The following SLC1A1 variants were observed in gnomAD, a reference collection of about 807,000 sequenced individuals.
SLC1A1 encodes excitatory amino acid transporter 3.
A neutral mutation model predicts 53.3 loss-of-function variants in SLC1A1; 43 were observed. The observed-to-expected ratio is 0.81, with a 90% confidence interval of 0.63 to 1.04. The LOEUF (loss-of-function observed/expected upper bound fraction) is 1.04, where lower values mean the gene tolerates loss of function less well. Among genes scored for constraint, SLC1A1 ranks in the 50% least tolerant of loss-of-function variants. SLC1A1 has a pLI of 0.00. For synonymous variants in SLC1A1, 307 were observed against 243.2 expected (o/e 1.26, Z -2.44); for missense variants, 748 against 664.9 (o/e 1.12, Z -1.37).
rs1272231784 is a variant in SLC1A1, at chr9:4,585,888, G to T, written c.*330G>T. On this transcript the variant is annotated 3_prime_UTR_variant, in exon 12 of 12. Coordinates refer to ENST00000262352, the MANE Select transcript of SLC1A1 (RefSeq NM_004170.6). ...TATGAAAGAGAAAATGCTTTCTCAT[G>T]CATAGACAAGTGTTTTGGGTTTTTA... 1 of 276,652 alleles carries T rather than the reference G, an allele frequency of 3.6e-6. No individual in the cohort carries two copies. Among genetic ancestry groups the T allele is most frequent in the South Asian group, 4.7e-5 (1 of 21,102 alleles). The allele number at this position is 276,652 out of a possible 1,614,324, so 17.1% of individuals were successfully genotyped here.
chr9:4,542,215 G>A (rs1024115448), intron 1 of SLC1A1, among the ~76,000 whole-genome samples: 36 of 151,994 alleles, frequency 2.4e-4, no homozygotes, highest in African/African-American at 8.5e-4. Flanking sequence ...AGGAAGGAAG[G>A]AATATTGGAG....
intron 1 of SLC1A1, among the ~76,000 whole-genome samples, chr9:4,517,598 A>G (rs1302826905): frequency 1.3e-5 from 2 of 152,234 alleles, no homozygotes; most frequent in African/African-American, 4.8e-5. Flanking sequence ...ATTGTGTACC[A>G]GAATGAAAGA....
At chr9:4,569,175 A>G (rs1351577171) in intron 6 of SLC1A1, among the ~76,000 whole-genome samples, 1 of 152,226 alleles carries the variant, frequency 6.6e-6, no homozygotes, top group East Asian at 1.9e-4. Context: ...GTACATAAGC[A>G]TGCAATGCAG....
At chr9:4,510,914 G>A (rs980453079) in intron 1 of SLC1A1, among the ~76,000 whole-genome samples, 1 of 152,196 alleles carries the variant, frequency 6.6e-6, no homozygotes, top group Non-Finnish European at 1.5e-5. Context: ...CAAATTGAGA[G>A]TTAGAAGGTA....
chr9:4,515,479 G>C (rs1320206152), intron 1 of SLC1A1, among the ~76,000 whole-genome samples: 2 of 152,154 alleles, frequency 1.3e-5, no homozygotes, highest in African/African-American at 2.4e-5. Flanking sequence ...ATTGTATATT[G>C]AGTTTGTCAC....
intron 1 of SLC1A1, among the ~76,000 whole-genome samples, chr9:4,522,046 TTTTTTTTC>T (rs374791945): frequency 0.29 from 32,948 of 111,754 alleles, 4,715 homozygotes; most frequent in South Asian, 0.41. Context: ...CTGCCTCTTT[TTTTTTTTC>T]TTTTTTTTTT....
intron 1 of SLC1A1, among the ~76,000 whole-genome samples, chr9:4,542,320 T>G (rs535598329): frequency 1.3e-5 from 2 of 152,338 alleles, no homozygotes; most frequent in South Asian, 4.1e-4. Context: ...CACCTTTTAT[T>G]GCTTTCAAGC....
In SLC1A1 at chr9:4,572,235, T is replaced by G; in HGVS notation, c.614T>G (p.Met205Arg). 11 of 1,613,806 alleles carry G rather than the reference T, an allele frequency of 6.8e-6. No homozygotes were observed. Among genetic ancestry groups the G allele is most frequent in the Non-Finnish European group, 9.3e-6 (11 of 1,179,672 alleles). Residue 205 changes from methionine (M) to arginine (R), a missense_variant, in exon 7 of 12, where the codon ATG (methionine) becomes AGG (arginine). Physicochemically the swap from Met to Arg is moderately conservative, Grantham distance 91 (BLOSUM62 -1). Coordinates refer to ENST00000262352, the MANE Select transcript of SLC1A1 (RefSeq NM_004170.6). ...NKTKEYKIVG[M>R]YSDGINVLGL... ...ACAAAGGAATACAAAATTGTTGGCA[T>G]GTATTCAGATGGCATAAACGTCCTG...
intron 1 of SLC1A1, among the ~76,000 whole-genome samples, chr9:4,504,477 C>G (rs1481107031): frequency 6.6e-6 from 1 of 152,146 alleles, no homozygotes; most frequent in Non-Finnish European, 1.5e-5. Flanking sequence ...ACCAAAGAGT[C>G]GGAAAATAAG....
At position 4,573,946 on chromosome 9, in the gene SLC1A1, G is replaced by A. The variant is rs142234531; in HGVS notation, c.807G>A (p.Lys269=). Residue 269 remains lysine, a synonymous_variant, in exon 8 of 12, where the codon AAG becomes AAA. Transcript: ENST00000262352. ...PLGILFLIAG[K]IIEVEDWEIF... ...GTATTTTGTTCCTGATTGCTGGGAA[G>A]ATCATAGAAGTTGAAGACTGGGAAA... 1.1e-4 allele frequency: 177 copies of A among 1,613,898 alleles called. No homozygotes were observed. Among genetic ancestry groups the A allele is most frequent in the Non-Finnish European group, 1.3e-4 (153 of 1,179,868 alleles).
At position 4,580,599 on chromosome 9, in the gene SLC1A1, A is replaced by ATG. The variant is rs770759737; in HGVS notation, c.1194-2438_1194-2437insGT. ...TTGTCTCTGGAAAAAAAAAAAATAT[A>ATG]TATGTGTGTGTGTGTGTGTGTGTGT... On this transcript the variant is annotated intron_variant, in intron 10 of 11. Transcript: ENST00000262352. Among the ~76,000 whole-genome samples, 471 of 50,980 alleles carry ATG rather than the reference A, an allele frequency of 9.2e-3. 2 individuals carry two copies. The highest frequency in any genetic ancestry group is 0.016 in the Middle Eastern group (2 of 122). 33.4% of individuals were successfully genotyped at this position (50,980 alleles called of 152,430 possible). A position where few individuals can be genotyped will look rare whatever the true frequency, so the allele number is the denominator to read the frequency against.
chr9:4,547,385 G>A (rs1039136348), intron 2 of SLC1A1, among the ~76,000 whole-genome samples: 2 of 152,284 alleles, frequency 1.3e-5, no homozygotes, highest in Admixed American at 6.5e-5. Flanking sequence ...TAGAGGCAGC[G>A]AGCAAAACCA....
rs1049502231 is a variant in SLC1A1, at chr9:4,572,349, T to C, written c.728T>C (p.Leu243Ser). 4 of 1,614,066 alleles carry C rather than the reference T, an allele frequency of 2.5e-6. No homozygotes were observed. The African/African-American group carries it at 5.3e-5, about 22-fold the overall frequency. ...GQILVDFFNA[L>S]SDATMKIVQI... Reference sequence around the variant, plus strand: ...ATTCTGGTGGATTTCTTCAATGCTTTGAGTGATGCAACCATGAAAATCGTT... The same window carrying C: ...ATTCTGGTGGATTTCTTCAATGCTTCGAGTGATGCAACCATGAAAATCGTT... The change falls in exon 7 of 12, where the codon TTG (leucine) becomes TCG (serine). Residue 243 changes from leucine to serine, a missense_variant. Leu to Ser is a moderately radical substitution (Grantham distance 145, BLOSUM62 -2). Coordinates refer to ENST00000262352, the MANE Select transcript of SLC1A1 (RefSeq NM_004170.6).
chr9:4,560,995 C>CA (rs1182366865), intron 2 of SLC1A1, among the ~76,000 whole-genome samples: 5 of 141,032 alleles, frequency 3.5e-5, no homozygotes, highest in African/African-American at 1.2e-4. Context: ...GACTCTGTCT[C>CA]AAAACAAACA....
At chr9:4,565,980 A>G (rs1819448635) in intron 4 of SLC1A1, 67 bp from the exon 5 acceptor site, 3 of 1,179,684 alleles carry the variant, frequency 2.5e-6, no homozygotes, top group Non-Finnish European at 3.8e-6. Flanking sequence ...ATTTCTACCA[A>G]TATATTAGGT....
intron 1 of SLC1A1, among the ~76,000 whole-genome samples, chr9:4,540,060 C>T (rs1036545640): frequency 1.3e-5 from 2 of 152,108 alleles, no homozygotes; most frequent in African/African-American, 2.4e-5. Flanking sequence ...CACCCATGGC[C>T]CTCCTGCCAC....
chr9:4,522,091 G>T (rs1013251174), intron 1 of SLC1A1, among the ~76,000 whole-genome samples: 1 of 131,300 alleles, frequency 7.6e-6, no homozygotes, highest in Non-Finnish European at 1.5e-5. Flanking sequence ...TTACTCTGTC[G>T]CCCAGGCTGG....
intron 1 of SLC1A1, among the ~76,000 whole-genome samples, chr9:4,519,847 C>T (rs1051312944): frequency 1.3e-5 from 2 of 152,166 alleles, no homozygotes; most frequent in African/African-American, 4.8e-5. Context: ...CACATGGGGA[C>T]CCGGACCACA....
At chr9:4,531,711 G>T (rs926820348) in intron 1 of SLC1A1, among the ~76,000 whole-genome samples, 1 of 152,134 alleles carries the variant, frequency 6.6e-6, no homozygotes, top group Non-Finnish European at 1.5e-5. Context: ...GAGAATAGTG[G>T]TTCTCCCAGC....
Sources: gnomAD v4.1 joint callset for allele counts (sites outside exome capture counted in the v4.1 genomes callset) on GRCh38, gnomAD v4.1.1 for gene constraint, MANE v1.5 for transcripts, NCBI Gene and HGNC (gene_info 2026-07-23, HGNC 2026-07-21) for gene names.